The following PCDH9 variants were observed in gnomAD, a reference collection of about 807,000 sequenced individuals.
PCDH9 encodes the protein protocadherin-9.
In PCDH9, 24 loss-of-function variants were observed where a neutral mutation model predicts 70.6. The ratio of observed to expected loss-of-function variants is 0.34; its 90% CI spans 0.25 to 0.48. PCDH9 has a LOEUF of 0.48. PCDH9 is among the 20% of genes least tolerant of loss of function. PCDH9 has a pLI of 0.99. For missense variants in PCDH9, 1,281 were observed against 1,503.6 expected (o/e 0.85, Z 2.45); for synonymous variants, 562 against 558.5 (o/e 1.01, Z -0.09).
chr13:66,559,071 C>G (rs2210928), intron 4 of PCDH9, among the ~76,000 whole-genome samples: 1 of 152,042 alleles, frequency 6.6e-6, no homozygotes, highest in Admixed American at 6.5e-5. Context: ...CTTAGTTTCT[C>G]TTGTGCAGTG....
At chr13:66,876,697 T>C (rs1012364482) in intron 3 of PCDH9, 3 of 152,128 alleles carry the variant, frequency 2.0e-5, no homozygotes, top group African/African-American at 2.4e-5. Context: ...GAGGAATTAA[T>C]TTTTGAAATC....
At chr13:67,099,112 CAA>C (rs2086380922) in intron 2 of PCDH9, among the ~76,000 whole-genome samples, 1 of 152,156 alleles carries the variant, frequency 6.6e-6, no homozygotes. Flanking sequence ...CCAAAGTCAC[CAA>C]AGAGTACAGT....
At chr13:66,402,477 G>A (rs1026939793) in intron 4 of PCDH9, among the ~76,000 whole-genome samples, 1 of 151,888 alleles carries the variant, frequency 6.6e-6, no homozygotes, top group Non-Finnish European at 1.5e-5. Context: ...GTAAATGTCA[G>A]TGTAACTTAG....
At chr13:66,656,867 C>T (rs539860625) in intron 3 of PCDH9, among the ~76,000 whole-genome samples, 14 of 152,242 alleles carry the variant, frequency 9.2e-5, no homozygotes, top group East Asian at 3.9e-4. Context: ...GTATTTACCT[C>T]GTGGATTCCA....
chr13:66,779,849 C>CTCTCTCTCTCTCTATA (rs1395244975), intron 3 of PCDH9, among the ~76,000 whole-genome samples: 14 of 78,918 alleles, frequency 1.8e-4, no homozygotes, highest in African/African-American at 6.7e-4. Context: ...CTCTCTCTCT[C>CTCTCTCTCTCTCTATA]TATATATATA....
At chr13:66,775,115 AGT>A (rs1383491339) in intron 3 of PCDH9, among the ~76,000 whole-genome samples, 1 of 152,232 alleles carries the variant, frequency 6.6e-6, no homozygotes, top group Non-Finnish European at 1.5e-5. Flanking sequence ...GAGCTAACAC[AGT>A]GTTTCTTTTA....
chr13:66,830,420 A>G (rs1398316836), intron 3 of PCDH9, among the ~76,000 whole-genome samples: 4 of 152,304 alleles, frequency 2.6e-5, no homozygotes, highest in Admixed American at 2.6e-4. Context: ...AATAAACAAC[A>G]TCTCAGAATT....
intron 3 of PCDH9, among the ~76,000 whole-genome samples, chr13:66,755,047 A>G (rs943736488): frequency 1.1e-4 from 17 of 152,168 alleles, no homozygotes; most frequent in Non-Finnish European, 2.2e-4. Flanking sequence ...GGGGATATTT[A>G]CTTTTTACTT....
intron 2 of PCDH9, among the ~76,000 whole-genome samples, chr13:67,174,188 G>A (rs1018688774): frequency 6.6e-6 from 1 of 151,928 alleles, no homozygotes; most frequent in Non-Finnish European, 1.5e-5. Context: ...CATAAAATAT[G>A]TCCTTAGTAT....
intron 3 of PCDH9, among the ~76,000 whole-genome samples, chr13:66,838,487 A>C (rs1386790251): frequency 6.6e-6 from 1 of 152,102 alleles, no homozygotes; most frequent in African/African-American, 2.4e-5. Flanking sequence ...ATAATGTTAA[A>C]TTTAGCCAGG....
rs1384078694 is a variant in PCDH9 at position 66,303,626 on chromosome 13, A to G, written c.*1029T>C. The G allele has an allele frequency of 6.6e-6, 1 of 152,472 alleles. No homozygotes were observed. The highest frequency in any genetic ancestry group is 2.4e-5 in the African/African-American group (1 of 41,430). 9.4% of individuals were successfully genotyped at this position (152,472 alleles called of 1,614,324 possible). A position where few individuals can be genotyped will look rare whatever the true frequency, so the allele number is the denominator to read the frequency against. On this transcript the variant is annotated 3_prime_UTR_variant, in exon 5 of 5. Coordinates refer to ENST00000377865, the MANE Select transcript of PCDH9 (RefSeq NM_203487.3). ...TTTTGAATAGTGATTTTTCTTCCAT[A>G]TATGCTAATTTTGATACATTAGTTT...
At chr13:66,455,336 T>C (rs937088998) in intron 4 of PCDH9, among the ~76,000 whole-genome samples, 2 of 151,734 alleles carry the variant, frequency 1.3e-5, no homozygotes, top group African/African-American at 4.8e-5. Flanking sequence ...ACATTCTTCT[T>C]CTCCTTAATA....
At chr13:66,665,373 C>T (rs2078081760) in intron 3 of PCDH9, among the ~76,000 whole-genome samples, 3 of 152,230 alleles carry the variant, frequency 2.0e-5, no homozygotes, top group South Asian at 4.1e-4. Context: ...GCTGGGATTA[C>T]AGGTGTGAGC....
intron 2 of PCDH9, among the ~76,000 whole-genome samples, chr13:66,964,309 C>A (rs1311818665): frequency 1.3e-5 from 2 of 151,356 alleles, no homozygotes; most frequent in Admixed American, 6.6e-5. Context: ...GGTAAGCATA[C>A]CAGATAAAGA....
At position 67,025,273 on chromosome 13, in the gene PCDH9, T is replaced by G. The variant is rs77347196; in HGVS notation, c.3037-121668A>C. Among the ~76,000 whole-genome samples the G allele has an allele frequency of 5.1e-3, 775 of 152,234 alleles. 3 individuals carry two copies. Among genetic ancestry groups the G allele is most frequent in the African/African-American group, 0.017 (720 of 41,572 alleles). On this transcript the variant is annotated intron_variant, in intron 2 of 4. Transcript: ENST00000377865. ...TTCTGTGAAAAGCCAGGCCATGTGG[T>G]ACACTTCCTTATTAGAATACTGGAC...
intron 4 of PCDH9, among the ~76,000 whole-genome samples, chr13:66,363,440 G>A (rs982050405): frequency 7.9e-5 from 12 of 151,908 alleles, no homozygotes; most frequent in African/African-American, 2.2e-4. Flanking sequence ...TATACGTATC[G>A]GATTCAATGA....
chr13:66,872,463 C>G (rs2139512081), intron 3 of PCDH9, among the ~76,000 whole-genome samples: 1 of 152,120 alleles, frequency 6.6e-6, no homozygotes, highest in African/African-American at 2.4e-5. Flanking sequence ...TTTAGAGAAG[C>G]ATTAAGCATA....
chr13:67,193,438 T>A (rs546922842), intron 2 of PCDH9, among the ~76,000 whole-genome samples: 77 of 151,892 alleles, frequency 5.1e-4, no homozygotes, highest in Non-Finnish European at 9.4e-4. Flanking sequence ...CTTTTATCTA[T>A]TTTTTTTCTC....
chr13:67,167,383 A>C (rs2088147648), intron 2 of PCDH9, among the ~76,000 whole-genome samples: 1 of 152,206 alleles, frequency 6.6e-6, no homozygotes, highest in South Asian at 2.1e-4. Context: ...TCAAGACACT[A>C]ATATAAAAAT....
Sources: allele counts gnomAD v4.1 joint callset (sites outside exome capture counted in the v4.1 genomes callset), GRCh38; gene constraint gnomAD v4.1.1; transcripts MANE v1.5; gene names NCBI Gene and HGNC (gene_info 2026-07-23, HGNC 2026-07-21).